The following DOCK1 variants were observed in gnomAD, a reference collection of about 807,000 sequenced individuals.
DOCK1 encodes the protein dedicator of cytokinesis 1, also known as dedicator of cytokinesis protein 1.
A neutral mutation model predicts 262.7 loss-of-function variants in DOCK1; 138 were observed. That is an observed-to-expected ratio of 0.53 (90% CI 0.46 to 0.61). The LOEUF (loss-of-function observed/expected upper bound fraction) is 0.61. Among genes scored for constraint, DOCK1 ranks in the 20% least tolerant of loss-of-function variants. The pLI is 0.00. For missense variants in DOCK1, 1,908 were observed against 2,370.7 expected, an observed-to-expected ratio of 0.80 and a Z score of 4.05; for synonymous variants, 866 against 867.4, an observed-to-expected ratio of 1.00 and a Z score of 0.03.
intron 46 of DOCK1, among the ~76,000 whole-genome samples, chr10:127,420,461 C>T (rs2068434377): frequency 6.6e-6 from 1 of 152,170 alleles, no homozygotes; most frequent in African/African-American, 2.4e-5. Flanking sequence ...GCCACTGCCT[C>T]TTTAGGCTTC....
chr10:127,414,103 G>A (rs1446771866), intron 43 of DOCK1, among the ~76,000 whole-genome samples: 1 of 152,140 alleles, frequency 6.6e-6, no homozygotes, highest in Non-Finnish European at 1.5e-5. Context: ...GTAGAGACGG[G>A]ATTTTGCCAC....
intron 46 of DOCK1, 89 bp downstream of exon 46, chr10:127,419,838 G>T: frequency 7.2e-7 from 1 of 1,380,800 alleles, no homozygotes; most frequent in South Asian, 1.3e-5. Context: ...CAGCATGGAG[G>T]TCCCTGGGCT....
intron 29 of DOCK1, among the ~76,000 whole-genome samples, chr10:127,260,226 T>C (rs571162569): frequency 9.8e-5 from 15 of 152,312 alleles, no homozygotes; most frequent in African/African-American, 3.6e-4. Flanking sequence ...CTTTGCGTCT[T>C]AGAAACCGGG....
At chr10:127,002,029 A>C (rs555138683) in intron 10 of DOCK1, among the ~76,000 whole-genome samples, 1 of 152,338 alleles carries the variant, frequency 6.6e-6, no homozygotes, top group East Asian at 1.9e-4. Context: ...TTTTCATGTC[A>C]TGACTTGAAT....
chr10:126,960,862 G>A (rs1360750837), intron 1 of DOCK1, among the ~76,000 whole-genome samples: 72 of 146,086 alleles, frequency 4.9e-4, no homozygotes, highest in Non-Finnish European at 9.6e-4. Flanking sequence ...ATGTAGATAT[G>A]AACCCAATAG....
At chr10:127,311,921 G>C (rs547171994) in intron 29 of DOCK1, among the ~76,000 whole-genome samples, 6 of 152,090 alleles carry the variant, frequency 3.9e-5, no homozygotes, top group African/African-American at 1.4e-4. Context: ...CTGGAGTGCA[G>C]TGGGGCGATC....
intron 19 of DOCK1, among the ~76,000 whole-genome samples, chr10:127,041,479 A>G (rs1272127512): frequency 2.0e-5 from 3 of 152,174 alleles, no homozygotes; most frequent in Non-Finnish European, 4.4e-5. Context: ...TAGTTGACAC[A>G]CATTTGTATT....
At chr10:127,205,131 A>G (rs1289256424) in intron 27 of DOCK1, among the ~76,000 whole-genome samples, 1 of 152,156 alleles carries the variant, frequency 6.6e-6, no homozygotes, top group East Asian at 1.9e-4. Flanking sequence ...CCACAGAGTA[A>G]ATATTGTCAC....
intron 28 of DOCK1, among the ~76,000 whole-genome samples, chr10:127,249,404 CAT>C (rs1266474396): frequency 2.2e-4 from 2 of 9,240 alleles, no homozygotes; most frequent in African/African-American, 4.2e-4. Flanking sequence ...CACATATATA[CAT>C]ATATATATAC....
chr10:127,219,033 A>G (rs2058324479), intron 27 of DOCK1, among the ~76,000 whole-genome samples: 1 of 152,278 alleles, frequency 6.6e-6, no homozygotes, highest in African/African-American at 2.4e-5. Context: ...ACTTCTTAAT[A>G]CTATCACACT....
intron 29 of DOCK1, among the ~76,000 whole-genome samples, chr10:127,294,224 T>G (rs2061432693): frequency 6.6e-6 from 1 of 152,220 alleles, no homozygotes; most frequent in Non-Finnish European, 1.5e-5. Context: ...CAGATTTTAT[T>G]TACCAGTTGA....
intron 27 of DOCK1, among the ~76,000 whole-genome samples, chr10:127,245,710 C>T (rs1487729047): frequency 6.6e-6 from 1 of 152,206 alleles, no homozygotes; most frequent in Non-Finnish European, 1.5e-5. Context: ...AGTCTGGCTG[C>T]ACTGATGTTT....
chr10:127,365,313 G>T (rs924342596), intron 33 of DOCK1, among the ~76,000 whole-genome samples: 1 of 152,080 alleles, frequency 6.6e-6, no homozygotes, highest in African/African-American at 2.4e-5. Flanking sequence ...AAATATTTTT[G>T]TAACTTTTGA....
At chr10:127,421,815 T>C (rs1181884406) in intron 46 of DOCK1, among the ~76,000 whole-genome samples, 1 of 152,222 alleles carries the variant, frequency 6.6e-6, no homozygotes, top group Admixed American at 6.5e-5. Flanking sequence ...CATTCCTTTT[T>C]AAGGCTGAGT....
chr10:127,424,155 G>A (rs1196051631), intron 46 of DOCK1, among the ~76,000 whole-genome samples: 5 of 152,162 alleles, frequency 3.3e-5, no homozygotes, highest in African/African-American at 9.7e-5. Flanking sequence ...AATCACACCT[G>A]CAGTTCAGCC....
intron 50 of DOCK1, among the ~76,000 whole-genome samples, chr10:127,444,952 G>T (rs111725589): frequency 6.6e-6 from 1 of 151,730 alleles, no homozygotes; most frequent in Non-Finnish European, 1.5e-5. Flanking sequence ...CCTCCTTCTC[G>T]GTGTCCTCTC....
Position 127,444,250 on chromosome 10 carries a change from G to C in DOCK1, c.5384G>C (p.Arg1795Thr). The change falls in exon 50 of 52, where the codon AGG becomes ACG. Residue 1795 changes from arginine (R) to threonine (T), a missense_variant. Arg to Thr is a moderately conservative substitution (Grantham distance 71). Around this residue, in one of 9 missense-constraint regions of DOCK1, gnomAD observed 383 missense variants for 420.1 expected, o/e 0.91. Transcript: ENST00000623213. Reference protein sequence around the residue: ...SQQTPPPVTPRAKLSFSMQSS... With the variant: ...SQQTPPPVTPTAKLSFSMQSS... Reference sequence around the variant, plus strand: ...CAAACACCCCCTCCAGTTACACCAAGGGCCAAGCTCAGCTTCAGCATGCAG... The same window carrying C: ...CAAACACCCCCTCCAGTTACACCAACGGCCAAGCTCAGCTTCAGCATGCAG... The C allele has an allele frequency of 6.2e-7, 1 of 1,611,214 alleles. No homozygotes were observed.
At chr10:127,329,752 G>A (rs2062895621) in intron 29 of DOCK1, among the ~76,000 whole-genome samples, 1 of 152,142 alleles carries the variant, frequency 6.6e-6, no homozygotes. Flanking sequence ...CATTTATTTT[G>A]TGAAGTTGAA....
chr10:127,148,201 A>T (rs938536221), intron 27 of DOCK1, among the ~76,000 whole-genome samples: 1 of 152,186 alleles, frequency 6.6e-6, no homozygotes, highest in African/African-American at 2.4e-5. Flanking sequence ...TCAGGTTCCA[A>T]GCCCACTCAT....
Sources: gnomAD v4.1 joint callset for allele counts (sites outside exome capture counted in the v4.1 genomes callset) on GRCh38, gnomAD v4.1.1 for gene constraint, gnomAD v4.1.1 regional missense constraint, MANE v1.5 for transcripts, NCBI Gene and HGNC (gene_info 2026-07-23, HGNC 2026-07-21) for gene names.